ITGA6: variants seen among roughly 807,000 people sequenced by gnomAD.
ITGA6 encodes the protein integrin subunit alpha 6, also known as integrin alpha-6.
In ITGA6, 63 loss-of-function variants were observed where a neutral mutation model predicts 133.6. That is an observed-to-expected ratio of 0.47 (90% confidence interval 0.38 to 0.58). The LOEUF (loss-of-function observed/expected upper bound fraction) is 0.58, where lower values mean the gene tolerates loss of function less well. ITGA6 is among the 20% of genes least tolerant of loss of function. The probability of loss-of-function intolerance (pLI) is 0.00; values close to 1 mark genes in which losing one functional copy is unlikely to be tolerated. For synonymous variants in ITGA6, 434 were observed against 482.0 expected (o/e 0.90, Z 1.30); for missense variants, 1,068 against 1,309.4 (o/e 0.82, Z 2.85).
intron 25 of ITGA6, 64 bp from the exon 26 acceptor site, chr2:172,504,027 C>A: frequency 7.8e-7 from 1 of 1,273,942 alleles, no homozygotes; most frequent in Non-Finnish European, 1.1e-6. Flanking sequence ...TAGACATTCC[C>A]ATTTAGTGTA....
rs755650902 is a variant in ITGA6, at chr2:172,498,007, A to G, written c.3021A>G (p.Val1007=). The G allele has an allele frequency of 3.1e-6, 5 of 1,613,760 alleles. No individual in the cohort carries two copies. In the African/African-American group the frequency reaches 5.3e-5, roughly 17 times the overall value. Residue 1007 remains valine (V), a synonymous_variant, in exon 24 of 26, where the codon GTA becomes GTG. Transcript: ENST00000684293. ...VRVTVFPSKT[V]AQYSGVPWWI... ...TGACTGTGTTTCCCTCAAAGACTGT[A>G]GCTCAGTATTCGGGAGTACCTTGGT... is the stretch of plus-strand genomic sequence containing the variant.
rs747605066 is a variant in ITGA6, at chr2:172,469,190, T to G, written c.453T>G (p.Phe151Leu). 5 of 1,614,104 alleles carry G rather than the reference T, an allele frequency of 3.1e-6. No homozygotes were observed. The Admixed American group carries it at 8.3e-5, about 27-fold the overall frequency. ...CGAAGCAGGAATCCCGAGACATCTT[T>G]GGGCGGTGTTATGTCCTGAGTCAGA... Reference protein sequence around the residue: ...VNTKQESRDIFGRCYVLSQNL... With the variant: ...VNTKQESRDILGRCYVLSQNL... Residue 151 changes from phenylalanine to leucine, a missense_variant, in exon 4 of 26, where the codon TTT becomes TTG. Physicochemically the swap from Phe to Leu is conservative, Grantham distance 22. Coordinates refer to ENST00000684293, the MANE Select transcript of ITGA6 (RefSeq NM_000210.4).
chr2:172,459,096 C>T (rs1189614671), intron 1 of ITGA6, among the ~76,000 whole-genome samples: 3 of 151,294 alleles, frequency 2.0e-5, no homozygotes, highest in Admixed American at 6.6e-5. Context: ...ACAAATGAAA[C>T]GATCCACACA....
intron 1 of ITGA6, among the ~76,000 whole-genome samples, chr2:172,429,251 G>A (rs1559108584): frequency 6.6e-6 from 1 of 151,982 alleles, no homozygotes. Context: ...CTAGGAGGGT[G>A]GTCTGAGGCT....
intron 11 of ITGA6, among the ~76,000 whole-genome samples, chr2:172,482,961 T>A (rs1033312177): frequency 5.9e-5 from 9 of 152,240 alleles, no homozygotes; most frequent in African/African-American, 2.2e-4. Flanking sequence ...GTTGTGCTAG[T>A]TGCTGGGGAC....
intron 1 of ITGA6, among the ~76,000 whole-genome samples, chr2:172,456,236 G>A (rs1044124978): frequency 1.1e-4 from 16 of 152,256 alleles, no homozygotes; most frequent in Non-Finnish European, 2.2e-4. Context: ...TACAAGGCCA[G>A]TGAGCTTTGA....
chr2:172,499,962 T>C (rs1024930228), intron 24 of ITGA6, among the ~76,000 whole-genome samples: 1 of 152,130 alleles, frequency 6.6e-6, no homozygotes, highest in African/African-American at 2.4e-5. Flanking sequence ...CTCTGAAGTG[T>C]CCAGGCTGTC....
At chr2:172,447,628 T>C (rs1403349988) in intron 1 of ITGA6, among the ~76,000 whole-genome samples, 1 of 152,248 alleles carries the variant, frequency 6.6e-6, no homozygotes, top group African/African-American at 2.4e-5. Flanking sequence ...ATGTTGTTGC[T>C]AATGTTATTC....
At chr2:172,470,709 A>AT (rs1444011013) in intron 4 of ITGA6, among the ~76,000 whole-genome samples, 1 of 152,298 alleles carries the variant, frequency 6.6e-6, no homozygotes, top group East Asian at 1.9e-4. Context: ...CAAACCTTCC[A>AT]TTTTTCATCT....
intron 1 of ITGA6, among the ~76,000 whole-genome samples, chr2:172,444,431 C>G (rs1330431270): frequency 7.9e-5 from 12 of 152,110 alleles, no homozygotes; most frequent in Non-Finnish European, 5.9e-5. Context: ...TATGAACAAC[C>G]AAAATCTGAA....
intron 23 of ITGA6, among the ~76,000 whole-genome samples, chr2:172,493,475 A>C (rs1687005443): frequency 6.6e-6 from 1 of 152,112 alleles, no homozygotes; most frequent in South Asian, 2.1e-4. Flanking sequence ...ACTAACATTA[A>C]TGAAGCCTTA....
In ITGA6 at chr2:172,474,846, T is replaced by A. The variant is rs190833496; in HGVS notation, c.987-83T>A. 1.8e-4 allele frequency: 141 copies of A among 788,042 alleles called. 2 individuals carry two copies. The highest frequency in any genetic ancestry group is 1.4e-3 in the South Asian group (105 of 72,840). The allele number at this position is 788,042 out of a possible 1,614,324, so 48.8% of individuals were successfully genotyped here. On this transcript the variant is annotated intron_variant, in intron 6 of 25. Coordinates refer to ENST00000684293, the MANE Select transcript of ITGA6 (RefSeq NM_000210.4). ...GAGTTGAGGGCCTTTCTATTATATG[T>A]CTTTGTATCCTTAGTACCTAGACTG...
intron 25 of ITGA6, among the ~76,000 whole-genome samples, chr2:172,502,296 A>C (rs1395641761): frequency 1.3e-5 from 2 of 152,180 alleles, no homozygotes; most frequent in Non-Finnish European, 2.9e-5. Context: ...TTTCTTGTCC[A>C]TTTTGGAATT....
At chr2:172,489,340 C>T (rs1008920904) in intron 19 of ITGA6, 145 bp from the exon 20 acceptor site, 2 of 675,030 alleles carry the variant, frequency 3.0e-6, no homozygotes, top group Non-Finnish European at 5.2e-6. Flanking sequence ...TTTGAATGCC[C>T]TATCTATAGT....
chr2:172,431,697 GTCACCT>G (rs1381250999), intron 1 of ITGA6, among the ~76,000 whole-genome samples: 2 of 152,222 alleles, frequency 1.3e-5, no homozygotes, highest in Non-Finnish European at 2.9e-5. Context: ...GGATTGCTGG[GTCACCT>G]TGAATGCTAA....
intron 13 of ITGA6, 109 bp from the exon 14 acceptor site, chr2:172,486,914 G>A (rs1686704249): frequency 5.6e-6 from 4 of 719,648 alleles, no homozygotes; most frequent in Admixed American, 2.0e-5. Flanking sequence ...TTCTGCATTG[G>A]TAATTGTCAC....
chr2:172,489,323 T>A (rs889104379), intron 19 of ITGA6, among the ~76,000 whole-genome samples, 162 bp from the exon 20 acceptor site: 6 of 152,220 alleles, frequency 3.9e-5, no homozygotes, highest in Non-Finnish European at 8.8e-5. Flanking sequence ...TAGGCACAAG[T>A]CTTTATTTTG....
chr2:172,439,972 A>G (rs963985728), intron 1 of ITGA6, among the ~76,000 whole-genome samples: 1 of 152,232 alleles, frequency 6.6e-6, no homozygotes, highest in African/African-American at 2.4e-5. Flanking sequence ...GATAGAAAAT[A>G]CAGCCACTGT....
At chr2:172,428,409 C>G (rs1041319281) in intron 1 of ITGA6, 3 of 152,168 alleles carry the variant, frequency 2.0e-5, no homozygotes, top group African/African-American at 7.3e-5. Flanking sequence ...TAGGCCTTTC[C>G]CAAACTCACG....
Sources: allele counts gnomAD v4.1 joint callset (sites outside exome capture counted in the v4.1 genomes callset), GRCh38; gene constraint gnomAD v4.1.1; transcripts MANE v1.5; gene names NCBI Gene and HGNC (gene_info 2026-07-23, HGNC 2026-07-21).